Variants in STRN3 observed in about 807,000 individuals in gnomAD.
STRN3 encodes the protein striatin 3, also known as striatin-3.
In STRN3, 29 loss-of-function variants were observed where a neutral mutation model predicts 95.6. That is an observed-to-expected ratio of 0.30 (90% CI 0.23 to 0.41). The LOEUF (loss-of-function observed/expected upper bound fraction) is 0.41. Ranked by LOEUF, STRN3 falls within the 10% of genes least tolerant of loss-of-function variation. The probability of loss-of-function intolerance (pLI) is 1.00; values close to 1 mark genes in which losing one functional copy is unlikely to be tolerated. For synonymous variants in STRN3, 331 were observed against 357.6 expected (o/e 0.93, Z 0.84); for missense variants, 890 against 972.1 (o/e 0.92, Z 1.12).
At chr14:30,994,558 T>A (rs771411444) in intron 1 of STRN3, among the ~76,000 whole-genome samples, 2 of 151,922 alleles carry the variant, frequency 1.3e-5, no homozygotes, top group Non-Finnish European at 2.9e-5. Context: ...TAAAACCAAA[T>A]AAACTAAAAA....
At chr14:30,960,333 A>G (rs1880127191) in intron 1 of STRN3, among the ~76,000 whole-genome samples, 1 of 152,216 alleles carries the variant, frequency 6.6e-6, no homozygotes, top group African/African-American at 2.4e-5. Flanking sequence ...GTTTCAAGAA[A>G]AACAAAAAGA....
chr14:30,930,850 G>A (rs1436062427), intron 7 of STRN3, among the ~76,000 whole-genome samples: 1 of 152,078 alleles, frequency 6.6e-6, no homozygotes, highest in African/African-American at 2.4e-5. Flanking sequence ...TCTTAATGAA[G>A]TTAATAATTC....
intron 16 of STRN3, among the ~76,000 whole-genome samples, chr14:30,900,443 C>CGGG (rs71112349): frequency 0.012 from 605 of 52,300 alleles, 6 homozygotes; most frequent in Non-Finnish European, 0.012. Context: ...GGGTGTGGGG[C>CGGG]GGGGGGGGGC....
intron 1 of STRN3, among the ~76,000 whole-genome samples, chr14:30,995,122 C>T (rs1458084651): frequency 1.3e-5 from 2 of 152,174 alleles, no homozygotes; most frequent in Admixed American, 1.3e-4. Context: ...AATGAAGTTT[C>T]CATTACCTGA....
At chr14:30,900,640 G>A (rs1470178017) in intron 16 of STRN3, among the ~76,000 whole-genome samples, 1 of 151,744 alleles carries the variant, frequency 6.6e-6, no homozygotes, top group Non-Finnish European at 1.5e-5. Flanking sequence ...ACCCAGCTAT[G>A]TGGGAGGCTG....
chr14:31,014,813 TA>T (rs527397877), intron 1 of STRN3: 30,132 of 355,932 alleles, frequency 0.085, 51 homozygotes, highest in South Asian at 0.11. Context: ...AAAACCACTT[TA>T]AAAAAAAAAA....
chr14:30,907,589 G>C (rs1566428436), intron 13 of STRN3, among the ~76,000 whole-genome samples: 2 of 145,350 alleles, frequency 1.4e-5, no homozygotes, highest in South Asian at 4.9e-4. Context: ...CTTTCACTGA[G>C]TATGTTTTCT....
At chr14:31,006,679 G>C (rs1404707753) in intron 1 of STRN3, among the ~76,000 whole-genome samples, 1 of 150,582 alleles carries the variant, frequency 6.6e-6, no homozygotes, top group African/African-American at 2.4e-5. Context: ...TGGGCAACAA[G>C]AGTGAAACTC....
At chr14:30,965,621 A>G (rs1594508767) in intron 1 of STRN3, among the ~76,000 whole-genome samples, 2 of 151,868 alleles carry the variant, frequency 1.3e-5, no homozygotes, top group South Asian at 4.1e-4. Flanking sequence ...GGAGTTCAAG[A>G]CCAGCCTGGC....
chr14:30,898,943 CACTTA>C (rs1896231829), intron 16 of STRN3, among the ~76,000 whole-genome samples: 1 of 152,280 alleles, frequency 6.6e-6, no homozygotes, highest in East Asian at 1.9e-4. Context: ...CTGCACAAGT[CACTTA>C]ACTTCTTTAA....
intron 1 of STRN3, chr14:31,025,160 TATAG>T (rs775554692): frequency 1.8e-4 from 27 of 152,192 alleles, no homozygotes; most frequent in Admixed American, 5.9e-4. Context: ...TTGGTTTTTT[TATAG>T]ATAAAGAAAC....
chr14:30,971,020 C>A (rs1282785528), intron 1 of STRN3, among the ~76,000 whole-genome samples: 1 of 152,240 alleles, frequency 6.6e-6, no homozygotes, highest in Non-Finnish European at 1.5e-5. Context: ...GCGGGTCAGC[C>A]CCCGAGGGCC....
intron 16 of STRN3, among the ~76,000 whole-genome samples, chr14:30,900,446 G>GGC (rs1467634048): frequency 1.3e-5 from 2 of 148,882 alleles, no homozygotes; most frequent in African/African-American, 2.4e-5. Context: ...TGTGGGGCGG[G>GGC]GGGGGGCGGT....
chr14:31,012,827 G>C (rs533851465), intron 1 of STRN3, among the ~76,000 whole-genome samples: 2 of 151,614 alleles, frequency 1.3e-5, no homozygotes, highest in East Asian at 1.9e-4. Flanking sequence ...CCTGAAGGCA[G>C]AGGTTGCAGT....
intron 1 of STRN3, among the ~76,000 whole-genome samples, chr14:31,009,688 AAT>A (rs1882880139): frequency 6.6e-6 from 1 of 151,906 alleles, no homozygotes; most frequent in African/African-American, 2.4e-5. Context: ...ATTAAAAACT[AAT>A]ATAAAAACTC....
intron 8 of STRN3, among the ~76,000 whole-genome samples, chr14:30,922,295 T>C (rs1896905269): frequency 6.6e-6 from 1 of 152,164 alleles, no homozygotes; most frequent in African/African-American, 2.4e-5. Context: ...CCCAAAGTGC[T>C]AGGATTGCAG....
At chr14:31,008,434 G>C (rs1445241359) in intron 1 of STRN3, among the ~76,000 whole-genome samples, 2 of 152,138 alleles carry the variant, frequency 1.3e-5, no homozygotes, top group East Asian at 3.9e-4. Context: ...AGTGAGCCCA[G>C]GAGGTCGAGA....
chr14:30,898,607 A>G (rs766572669), intron 16 of STRN3, among the ~76,000 whole-genome samples: 2 of 152,210 alleles, frequency 1.3e-5, no homozygotes, highest in Non-Finnish European at 2.9e-5. Flanking sequence ...TTGGGCTTTC[A>G]CTGGTGACCA....
At chr14:30,910,755 CTTAGA>C (rs1421517276) in intron 13 of STRN3, among the ~76,000 whole-genome samples, 2 of 151,892 alleles carry the variant, frequency 1.3e-5, no homozygotes, top group East Asian at 3.8e-4. Context: ...AATTTTGTTA[CTTAGA>C]TTACATTTTG....
Sources: gnomAD v4.1 joint callset for allele counts (sites outside exome capture counted in the v4.1 genomes callset) on GRCh38, gnomAD v4.1.1 for gene constraint, MANE v1.5 for transcripts, NCBI Gene and HGNC (gene_info 2026-07-23, HGNC 2026-07-21) for gene names.